The following MVB12B variants were observed in gnomAD, a reference collection of about 807,000 sequenced individuals.
MVB12B encodes multivesicular body subunit 12B.
Under a neutral mutation model 41.6 loss-of-function variants are expected in MVB12B, and 16 were observed. That is an observed-to-expected ratio of 0.38 (90% CI 0.26 to 0.58). The LOEUF (loss-of-function observed/expected upper bound fraction) is 0.58, where lower values mean the gene tolerates loss of function less well. MVB12B is among the 20% of genes least tolerant of loss of function. The pLI is 0.62. For synonymous variants in MVB12B, 133 were observed against 139.7 expected (o/e 0.95, Z 0.34); for missense variants, 274 against 380.2 (o/e 0.72, Z 2.32).
intron 2 of MVB12B, among the ~76,000 whole-genome samples, chr9:126,378,812 G>A (rs1830559474): frequency 6.6e-6 from 1 of 152,148 alleles, no homozygotes; most frequent in Non-Finnish European, 1.5e-5. Context: ...TGCCCAAACA[G>A]TGAAGCGTGG....
intron 8 of MVB12B, among the ~76,000 whole-genome samples, chr9:126,483,501 G>A (rs1209005766): frequency 2.6e-5 from 4 of 152,094 alleles, no homozygotes; most frequent in Admixed American, 2.6e-4. Flanking sequence ...TCCCCCTAAG[G>A]AACTCTTCCT....
At chr9:126,380,741 G>A (rs1830612254) in intron 2 of MVB12B, among the ~76,000 whole-genome samples, 1 of 152,198 alleles carries the variant, frequency 6.6e-6, no homozygotes, top group African/African-American at 2.4e-5. Flanking sequence ...CCCCGAGTAA[G>A]TGGTAATAGC....
At chr9:126,360,657 AATT>A in intron 2 of MVB12B, among the ~76,000 whole-genome samples, 1 of 152,332 alleles carries the variant, frequency 6.6e-6, no homozygotes, top group Non-Finnish European at 1.5e-5. Flanking sequence ...TTGTTCTATC[AATT>A]ATTAAGAGAA....
chr9:126,440,895 T>C (rs1005424502), intron 7 of MVB12B, among the ~76,000 whole-genome samples: 1 of 152,262 alleles, frequency 6.6e-6, no homozygotes, highest in African/African-American at 2.4e-5. Flanking sequence ...CATAACTAGC[T>C]AATAACAGCT....
chr9:126,397,402 G>GT (rs1337961502), intron 6 of MVB12B: 24 of 985,330 alleles, frequency 2.4e-5, no homozygotes, highest in Admixed American at 6.1e-5. Flanking sequence ...AGGGTAGTGC[G>GT]TCAGAACCAG....
At position 126,380,708 on chromosome 9, in the gene MVB12B, C is replaced by T. The variant is rs1179513023; in HGVS notation, c.205-356C>T. On this transcript the variant is annotated intron_variant, in intron 2 of 9. Transcript: ENST00000361171. ...GGTGGCTCATCACACCCAGTGGACT[C>T]CTTTCTTCACCCCGCACCATCCCCC... 2.6e-5 allele frequency among the ~76,000 whole-genome samples: 4 copies of T among 152,230 alleles called. No individual in the cohort carries two copies. In the East Asian group the frequency reaches 7.7e-4, roughly 29 times the overall value.
rs1298092934 is a variant in MVB12B at position 126,473,562 on chromosome 9, C to T, written c.758-7807C>T. Reference sequence around the variant, plus strand: ...AGTGGAGGCAAATCCAGAACAGGCTCATCACATGGCCAGAGCAGGAACAAG... The same window carrying T: ...AGTGGAGGCAAATCCAGAACAGGCTTATCACATGGCCAGAGCAGGAACAAG... On this transcript the variant is annotated intron_variant, in intron 7 of 9. Coordinates refer to ENST00000361171, the MANE Select transcript of MVB12B (RefSeq NM_033446.3). This position sits in a 1 kb window ranked among gnomAD's most constrained non-coding sequence, Gnocchi z 4.0. 1.3e-5 allele frequency among the ~76,000 whole-genome samples: 2 copies of T among 152,218 alleles called. No individual in the cohort carries two copies. The highest frequency in any genetic ancestry group is 4.1e-4 in the South Asian group (2 of 4,828).
At chr9:126,429,762 T>A (rs1832280358) in intron 7 of MVB12B, among the ~76,000 whole-genome samples, 1 of 152,250 alleles carries the variant, frequency 6.6e-6, no homozygotes, top group South Asian at 2.1e-4. Flanking sequence ...TCACTGAAGT[T>A]AATGAACAGC....
At chr9:126,403,642 A>G (rs1831330677) in intron 6 of MVB12B, among the ~76,000 whole-genome samples, 2 of 152,228 alleles carry the variant, frequency 1.3e-5, no homozygotes, top group Admixed American at 6.5e-5. Flanking sequence ...ATCATATTGC[A>G]TCACCGTTCA....
chr9:126,458,923 A>G (rs571598512), intron 7 of MVB12B, among the ~76,000 whole-genome samples: 1 of 152,358 alleles, frequency 6.6e-6, no homozygotes, highest in East Asian at 1.9e-4. Flanking sequence ...TCTGTCTGGA[A>G]TCCAGAAAAG....
chr9:126,386,478 A>G lies in MVB12B; in HGVS notation c.313-84A>G. 1.2e-6 allele frequency: 1 copy of G among 865,126 alleles called. No homozygotes were observed. The highest frequency in any genetic ancestry group is 1.9e-6 in the Non-Finnish European group (1 of 516,538). 53.6% of individuals were successfully genotyped at this position (865,126 alleles called of 1,614,324 possible). On this transcript the variant is annotated intron_variant, in intron 3 of 9. Transcript: ENST00000361171. The surrounding 1 kb of genome is among the most constrained non-coding windows in gnomAD (Gnocchi z 4.3). The stretch of plus-strand genomic sequence containing the variant: ...TAAAGCTGCACGAGTCATTGTGTTA[A>G]ATATGCATCTGGAAGCCAAAATGGC...
chr9:126,454,006 A>G (rs1313507538), intron 7 of MVB12B, among the ~76,000 whole-genome samples: 1 of 152,216 alleles, frequency 6.6e-6, no homozygotes, highest in African/African-American at 2.4e-5. Flanking sequence ...GACGCGGTAA[A>G]GCAGAGAGCA....
chr9:126,432,237 C>T (rs1832349098), intron 7 of MVB12B, among the ~76,000 whole-genome samples: 2 of 152,214 alleles, frequency 1.3e-5, no homozygotes, highest in African/African-American at 4.8e-5. Flanking sequence ...TCCTTAGAGA[C>T]AGCATAATTG....
At chr9:126,422,277 A>G (rs1447896651) in intron 7 of MVB12B, among the ~76,000 whole-genome samples, 1 of 152,208 alleles carries the variant, frequency 6.6e-6, no homozygotes, top group East Asian at 1.9e-4. Flanking sequence ...CCTCGGGAGC[A>G]GCGCCGAGCT....
intron 7 of MVB12B, among the ~76,000 whole-genome samples, chr9:126,479,416 C>T (rs1308724755): frequency 2.6e-5 from 4 of 152,140 alleles, no homozygotes; most frequent in Non-Finnish European, 5.9e-5. Context: ...CTCTTCCAGA[C>T]TCCTTTATTC....
At chr9:126,374,473 G>A (rs1830426518) in intron 2 of MVB12B, among the ~76,000 whole-genome samples, 1 of 152,202 alleles carries the variant, frequency 6.6e-6, no homozygotes, top group Non-Finnish European at 1.5e-5. Context: ...GCTGCACAGT[G>A]GCCCAGAATG....
chr9:126,333,860 TCCATCC>T lies in MVB12B; in HGVS notation c.82-6647_82-6642del, dbSNP rs1829201350. Among the ~76,000 whole-genome samples, 1 of 98,698 alleles carries T rather than the reference TCCATCC, an allele frequency of 1.0e-5. No individual in the cohort carries two copies. The highest frequency in any genetic ancestry group is 2.4e-5 in the Non-Finnish European group (1 of 41,600). 64.7% of individuals were successfully genotyped at this position (98,698 alleles called of 152,430 possible). A position where few individuals can be genotyped will look rare whatever the true frequency, so the allele number is the denominator to read the frequency against. On this transcript the variant is annotated intron_variant, in intron 1 of 9. Coordinates refer to ENST00000361171, the MANE Select transcript of MVB12B (RefSeq NM_033446.3). This position sits in a 1 kb window ranked among gnomAD's most constrained non-coding sequence, Gnocchi z 4.7. ...TAGGTTCATTCCATCCATCCATCCATCCATCCATCCATCCATCCATCCATCCATTCG... is the reference window on the plus strand; with the variant it reads ...TAGGTTCATTCCATCCATCCATCCATATCCATCCATCCATCCATCCATTCG...
At chr9:126,355,009 G>T (rs907031877) in intron 2 of MVB12B, among the ~76,000 whole-genome samples, 1 of 151,952 alleles carries the variant, frequency 6.6e-6, no homozygotes, top group Non-Finnish European at 1.5e-5. Flanking sequence ...TTTTCCAATT[G>T]TGTAGCTATT....
chr9:126,488,523 G>T (rs541000258), intron 9 of MVB12B, among the ~76,000 whole-genome samples: 1 of 152,282 alleles, frequency 6.6e-6, no homozygotes, highest in South Asian at 2.1e-4. Flanking sequence ...TGCTGGGCAG[G>T]TGCTTCCCTT....
Sources: allele counts gnomAD v4.1 joint callset (sites outside exome capture counted in the v4.1 genomes callset), GRCh38; gene constraint gnomAD v4.1.1; non-coding constraint Gnocchi (gnomAD v3.1); transcripts MANE v1.5; gene names NCBI Gene and HGNC (gene_info 2026-07-23, HGNC 2026-07-21).